The following TMED6 variants were observed in gnomAD, a reference collection of about 807,000 sequenced individuals.
The protein encoded by TMED6 is transmembrane emp24 domain-containing protein 6.
A neutral mutation model predicts 26.5 loss-of-function variants in TMED6; 17 were observed. That is an observed-to-expected ratio of 0.64 (90% confidence interval 0.44 to 0.96). The LOEUF is 0.96. Among genes scored for constraint, TMED6 ranks in the 40% least tolerant of loss-of-function variants. TMED6 has a pLI of 0.00. For synonymous variants in TMED6, 107 were observed against 106.2 expected, an observed-to-expected ratio of 1.01 and a Z score of -0.04; for missense variants, 309 against 296.5, an observed-to-expected ratio of 1.04 and a Z score of -0.31.
In TMED6 at chr16:69,343,624, A is replaced by T. The variant is rs76731000; in HGVS notation, c.506T>A (p.Val169Glu). The change falls in exon 4 of 4, where the codon GTG (valine) becomes GAG (glutamate). Residue 169 changes from valine (V) to glutamate (E), a missense_variant. Transcript: ENST00000288025. ...CCACATGTGAAAGATATTGTTCTGC[A>T]CCTTTTGTGTGCCGTCCTATGAGAG... ...LDAIEDGTQK[V>E]QNNIFHMWRY... The T allele has an allele frequency of 6.8e-6, 11 of 1,613,598 alleles. No individual in the cohort carries two copies. The African/African-American group carries it at 1.5e-4, about 22-fold the overall frequency.
chr16:69,345,678 C>CAAAAAA (rs34468905), intron 3 of TMED6, among the ~76,000 whole-genome samples: 4 of 43,422 alleles, frequency 9.2e-5, no homozygotes, highest in Non-Finnish European at 1.7e-4. Context: ...CTGACTCTCT[C>CAAAAAA]AAAAAAAAAA....
At chr16:69,349,737 A>G (rs1026831006) in intron 1 of TMED6, 86 bp from the exon 2 acceptor site, 52 of 1,536,846 alleles carry the variant, frequency 3.4e-5, no homozygotes, top group Admixed American at 1.4e-4. Flanking sequence ...TCCCACGGTC[A>G]TCAGCACAGC....
In TMED6 at chr16:69,343,453, A is replaced by C; in HGVS notation, c.677T>G (p.Leu226Arg). Residue 226 changes from leucine (L) to arginine (R), a missense_variant, in exon 4 of 4, where the codon CTC (leucine) becomes CGC (arginine). Coordinates refer to ENST00000288025, the MANE Select transcript of TMED6 (RefSeq NM_144676.4). ...GILQLYFLKR[L>R]FNVPTTTDTK... The stretch of plus-strand genomic sequence containing the variant: ...ATCTGTAGTTGTTGGAACATTGAAG[A>C]GACGCTTCAAGAAATACAGTTGCAG... 1.2e-6 allele frequency: 2 copies of C among 1,614,228 alleles called. No homozygotes were observed. Among genetic ancestry groups the C allele is most frequent in the Non-Finnish European group, 1.7e-6 (2 of 1,180,042 alleles).
Position 69,343,397 on chromosome 16 carries a change from T to A in TMED6, c.*10A>T. 3 of 1,611,132 alleles carry A rather than the reference T, an allele frequency of 1.9e-6. No homozygotes were observed. Among genetic ancestry groups the A allele is most frequent in the Non-Finnish European group, 2.5e-6 (3 of 1,177,756 alleles). ...GAAGAAAACAGCCAGGGTGCTATAGTCACCTTAGCTTAGCATCTTGGCTTC... is the reference window on the plus strand; with the variant it reads ...GAAGAAAACAGCCAGGGTGCTATAGACACCTTAGCTTAGCATCTTGGCTTC... On this transcript the variant is annotated 3_prime_UTR_variant, in exon 4 of 4. Coordinates refer to ENST00000288025, the MANE Select transcript of TMED6 (RefSeq NM_144676.4).
intron 2 of TMED6, chr16:69,348,172 G>A (rs1043571155): frequency 2.6e-6 from 1 of 385,354 alleles, no homozygotes; most frequent in Non-Finnish European, 4.7e-6. Context: ...ATACTGGGTA[G>A]TGGCAAACAA....
intron 3 of TMED6, among the ~76,000 whole-genome samples, chr16:69,344,391 TG>T (rs2012647580): frequency 6.6e-6 from 1 of 152,188 alleles, no homozygotes; most frequent in African/African-American, 2.4e-5. Context: ...AATATGTAAT[TG>T]TCAAATGAGC....
At chr16:69,344,170 C>T (rs9930284) in intron 3 of TMED6, among the ~76,000 whole-genome samples, 20,226 of 152,100 alleles carry the variant, frequency 0.13, 1,631 homozygotes, top group Middle Eastern at 0.23. Flanking sequence ...CTTCAGTACT[C>T]AAACTAGAGA....
At chr16:69,345,177 C>T (rs2012664134) in intron 3 of TMED6, among the ~76,000 whole-genome samples, 1 of 150,448 alleles carries the variant, frequency 6.6e-6, no homozygotes, top group Non-Finnish European at 1.5e-5. Flanking sequence ...CTCAGGAGGC[C>T]GAGGCAGGAG....
chr16:69,343,263 T>G lies in TMED6; in HGVS notation c.*144A>C, dbSNP rs541958582. The G allele has an allele frequency of 2.2e-5, 15 of 691,542 alleles. No individual in the cohort carries two copies. The African/African-American group carries it at 2.3e-4, about 11-fold the overall frequency. The allele number at this position is 691,542 out of a possible 1,614,324, so 42.8% of individuals were successfully genotyped here. The stretch of plus-strand genomic sequence containing the variant: ...CTTCTTCAGAACTTTTTCACTGTTA[T>G]GATTTTATTGCCATTTTGCTTTTTT... On this transcript the variant is annotated 3_prime_UTR_variant, in exon 4 of 4. Coordinates refer to ENST00000288025, the MANE Select transcript of TMED6 (RefSeq NM_144676.4).
chr16:69,351,396 T>C, intron 1 of TMED6, 145 bp downstream of exon 1: 1 of 731,458 alleles, frequency 1.4e-6, no homozygotes, highest in African/African-American at 1.8e-5. Context: ...GGAGTTTCCC[T>C]CTAACTGCAG....
intron 3 of TMED6, among the ~76,000 whole-genome samples, chr16:69,344,019 G>C (rs1026695461): frequency 1.9e-4 from 28 of 151,322 alleles, no homozygotes; most frequent in Non-Finnish European, 4.1e-4. Flanking sequence ...TTATTGTAGA[G>C]ACAGGGTTTT....
chr16:69,351,397 C>T, intron 1 of TMED6, 144 bp downstream of exon 1: 1 of 735,254 alleles, frequency 1.4e-6, no homozygotes, highest in Non-Finnish European at 2.2e-6. Flanking sequence ...GAGTTTCCCT[C>T]TAACTGCAGG....
At chr16:69,345,678 C>CAAAAAAAAAAAAAAAAAAAAA (rs34468905) in intron 3 of TMED6, among the ~76,000 whole-genome samples, 1 of 43,438 alleles carries the variant, frequency 2.3e-5, no homozygotes, top group Non-Finnish European at 4.2e-5. Flanking sequence ...CTGACTCTCT[C>CAAAAAAAAAAAAAAAAAAAAA]AAAAAAAAAA....
At chr16:69,343,793 C>T (rs1342299418) in intron 3 of TMED6, among the ~76,000 whole-genome samples, 153 bp from the exon 4 acceptor site, 2 of 152,098 alleles carry the variant, frequency 1.3e-5, no homozygotes, top group African/African-American at 2.4e-5. Context: ...GTTGTGTTTG[C>T]TATGTATGAA....
chr16:69,343,855 G>T (rs2012632792), intron 3 of TMED6, among the ~76,000 whole-genome samples: 1 of 152,206 alleles, frequency 6.6e-6, no homozygotes, highest in African/African-American at 2.4e-5. Flanking sequence ...ATGAGACAGG[G>T]TCTCACTTGT....
chr16:69,347,690 C>G, intron 3 of TMED6, 98 bp downstream of exon 3: 1 of 1,511,934 alleles, frequency 6.6e-7, no homozygotes, highest in Non-Finnish European at 9.0e-7. Flanking sequence ...ATTCACATCC[C>G]CTTGCCTGTT....
At chr16:69,347,502 GGT>G in intron 3 of TMED6, among the ~76,000 whole-genome samples, 1 of 152,238 alleles carries the variant, frequency 6.6e-6, no homozygotes, top group African/African-American at 2.4e-5. Context: ...TGGGATTACA[GGT>G]GCGCACCACC....
At position 69,351,540 on chromosome 16, in the gene TMED6, C is replaced by T; in HGVS notation, c.213+1G>A. On this transcript the variant is annotated splice_donor_variant, in intron 1 of 3. Transcript: ENST00000288025. LOFTEE classifies it high-confidence loss of function. ...CCCAGTATGGCCAGTCACCCACATACCTCGTAACTGAAATAGAAGTATCCA... is the reference window on the plus strand; with the variant it reads ...CCCAGTATGGCCAGTCACCCACATATCTCGTAACTGAAATAGAAGTATCCA... 1.2e-6 allele frequency: 2 copies of T among 1,613,898 alleles called. No individual in the cohort carries two copies. The highest frequency in any genetic ancestry group is 1.7e-6 in the Non-Finnish European group (2 of 1,179,892).
rs1484071986 is a variant in TMED6 at position 69,343,271 on chromosome 16, T to C, written c.*136A>G. 49 of 719,332 alleles carry C rather than the reference T, an allele frequency of 6.8e-5. No homozygotes were observed. Among genetic ancestry groups the C allele is most frequent in the Non-Finnish European group, 3.2e-5 (14 of 441,264 alleles). The allele number at this position is 719,332 out of a possible 1,614,324, so 44.6% of individuals were successfully genotyped here. On this transcript the variant is annotated 3_prime_UTR_variant, in exon 4 of 4. Transcript: ENST00000288025. ...GAACTTTTTCACTGTTATGATTTTA[T>C]TGCCATTTTGCTTTTTTAGATGTGT...
Sources: gnomAD v4.1 joint callset for allele counts (sites outside exome capture counted in the v4.1 genomes callset) on GRCh38, gnomAD v4.1.1 for gene constraint, MANE v1.5 for transcripts, NCBI Gene and HGNC (gene_info 2026-07-23, HGNC 2026-07-21) for gene names.